NT5C2: variants seen among roughly 807,000 people sequenced by gnomAD.
NT5C2 encodes the protein cytosolic purine 5'-nucleotidase.
A neutral mutation model predicts 76.1 loss-of-function variants in NT5C2; 58 were observed. The ratio of observed to expected loss-of-function variants is 0.76; its 90% CI spans 0.62 to 0.95. NT5C2 has a LOEUF of 0.95. Ranked by LOEUF, NT5C2 falls within the 40% of genes least tolerant of loss-of-function variation. NT5C2 has a pLI of 0.00. For synonymous variants in NT5C2, 229 were observed against 237.4 expected (o/e 0.96, Z 0.32); for missense variants, 478 against 690.3 (o/e 0.69, Z 3.45).
chr10:103,149,583 T>C (rs1419158662), intron 3 of NT5C2, among the ~76,000 whole-genome samples: 5 of 152,194 alleles, frequency 3.3e-5, no homozygotes, highest in Admixed American at 3.3e-4. Flanking sequence ...CAATCCCTTT[T>C]TTCCTATTTT....
chr10:103,192,835 C>G (rs571198010), intron 1 of NT5C2, among the ~76,000 whole-genome samples: 1 of 152,148 alleles, frequency 6.6e-6, no homozygotes, highest in South Asian at 2.1e-4. Context: ...GTCAGCAGGA[C>G]TGAGGAAAGG....
At chr10:103,166,498 CAG>C (rs2086422653) in intron 3 of NT5C2, among the ~76,000 whole-genome samples, 1 of 152,198 alleles carries the variant, frequency 6.6e-6, no homozygotes, top group South Asian at 2.1e-4. Context: ...ATTCCATACA[CAG>C]AATTTTGGGA....
chr10:103,122,293 A>G (rs1326740554), intron 4 of NT5C2, among the ~76,000 whole-genome samples: 1 of 152,256 alleles, frequency 6.6e-6, no homozygotes, highest in Non-Finnish European at 1.5e-5. Context: ...GTTTTAACAC[A>G]GTTTCTATCT....
At chr10:103,164,720 T>C (rs895766981) in intron 3 of NT5C2, among the ~76,000 whole-genome samples, 3 of 152,180 alleles carry the variant, frequency 2.0e-5, no homozygotes, top group African/African-American at 7.2e-5. Context: ...GACATTACAA[T>C]TAATACAGAA....
chr10:103,092,209 T>C (rs568097086), intron 15 of NT5C2, among the ~76,000 whole-genome samples: 1 of 152,344 alleles, frequency 6.6e-6, no homozygotes, highest in South Asian at 2.1e-4. Flanking sequence ...CTACTGTATG[T>C]AACACATTTT....
intron 4 of NT5C2, among the ~76,000 whole-genome samples, chr10:103,133,817 A>G (rs1238969589): frequency 2.0e-5 from 3 of 152,210 alleles, no homozygotes; most frequent in Non-Finnish European, 4.4e-5. Context: ...AAATATTGAT[A>G]GTGACATGGG....
intron 3 of NT5C2, among the ~76,000 whole-genome samples, chr10:103,162,963 T>C (rs971622477): frequency 6.6e-6 from 1 of 152,172 alleles, no homozygotes; most frequent in Non-Finnish European, 1.5e-5. Context: ...TTTCCTTCTC[T>C]ACTAACTCTT....
intron 12 of NT5C2, 64 bp downstream of exon 12, chr10:103,095,875 T>C (rs996312052): frequency 2.8e-6 from 4 of 1,430,030 alleles, no homozygotes; most frequent in African/African-American, 2.8e-5. Context: ...CCCCTTAATA[T>C]TCCAGAATGA....
chr10:103,187,027 G>GA (rs756347505), intron 1 of NT5C2, among the ~76,000 whole-genome samples: 6 of 152,166 alleles, frequency 3.9e-5, no homozygotes, highest in Non-Finnish European at 8.8e-5. Context: ...GAGGTGGGCG[G>GA]ATCACCTGAG....
chr10:103,102,200 A>G (rs2069886729), intron 6 of NT5C2, among the ~76,000 whole-genome samples: 1 of 152,100 alleles, frequency 6.6e-6, no homozygotes, highest in South Asian at 2.1e-4. Context: ...CTATTTCTCT[A>G]TCCTTGAATA....
chr10:103,173,849 A>C (rs2089013758), intron 3 of NT5C2, among the ~76,000 whole-genome samples: 1 of 151,872 alleles, frequency 6.6e-6, no homozygotes, highest in Admixed American at 6.6e-5. Flanking sequence ...TAATCCTAGC[A>C]CTCTAGGATG....
At chr10:103,141,761 C>G (rs907775785) in intron 3 of NT5C2, among the ~76,000 whole-genome samples, 3 of 152,184 alleles carry the variant, frequency 2.0e-5, no homozygotes, top group Non-Finnish European at 4.4e-5. Flanking sequence ...TAGCTACTGT[C>G]TATTACACCC....
intron 4 of NT5C2, among the ~76,000 whole-genome samples, chr10:103,115,925 T>C (rs2074238974): frequency 6.6e-6 from 1 of 152,154 alleles, no homozygotes; most frequent in Non-Finnish European, 1.5e-5. Flanking sequence ...TGCACTGAAG[T>C]ATTATTTCTT....
At chr10:103,153,703 C>A (rs1013391851) in intron 3 of NT5C2, 1 of 985,202 alleles carries the variant, frequency 1.0e-6, no homozygotes, top group Non-Finnish European at 1.2e-6. Flanking sequence ...GTGAGTTTCA[C>A]AGAATCAAGC....
At chr10:103,112,951 C>T (rs914197548) in intron 4 of NT5C2, among the ~76,000 whole-genome samples, 1 of 152,108 alleles carries the variant, frequency 6.6e-6, no homozygotes, top group African/African-American at 2.4e-5. Context: ...GGACTTTTTT[C>T]CATTTTCCAA....
intron 2 of NT5C2, among the ~76,000 whole-genome samples, chr10:103,176,331 C>G (rs537734693): frequency 6.6e-6 from 1 of 152,258 alleles, no homozygotes; most frequent in South Asian, 2.1e-4. Context: ...GTAAAATGCT[C>G]CTCGCCTTGG....
At chr10:103,183,239 G>GAT (rs199652627) in intron 1 of NT5C2, among the ~76,000 whole-genome samples, 184 of 105,002 alleles carry the variant, frequency 1.8e-3, no homozygotes, top group African/African-American at 6.4e-3. Context: ...CATGAAAGGA[G>GAT]ATATATATAT....
intron 3 of NT5C2, among the ~76,000 whole-genome samples, chr10:103,172,269 C>T (rs1168804961): frequency 5.8e-5 from 8 of 136,934 alleles, no homozygotes; most frequent in Middle Eastern, 3.9e-3. Flanking sequence ...TTTTTTGAGA[C>T]GGAGTCTCGC....
At chr10:103,143,632 T>G (rs1311644876) in intron 3 of NT5C2, among the ~76,000 whole-genome samples, 1 of 104,850 alleles carries the variant, frequency 9.5e-6, no homozygotes, top group Non-Finnish European at 2.0e-5. Flanking sequence ...TTTTTTTTTT[T>G]GTAGAGATGG....
Sources: gnomAD v4.1 joint callset for allele counts (sites outside exome capture counted in the v4.1 genomes callset) on GRCh38, gnomAD v4.1.1 for gene constraint, MANE v1.5 for transcripts, NCBI Gene and HGNC (gene_info 2026-07-23, HGNC 2026-07-21) for gene names.